Variants in ITSN1 observed in about 807,000 individuals in gnomAD.
ITSN1 encodes intersectin-1.
Under a neutral mutation model 239.8 loss-of-function variants are expected in ITSN1, and 58 were observed. That is an observed-to-expected ratio of 0.24 (90% CI 0.20 to 0.30). The LOEUF (loss-of-function observed/expected upper bound fraction) is 0.30, where lower values mean the gene tolerates loss of function less well. ITSN1 is among the 10% of genes least tolerant of loss of function. The pLI is 1.00. For missense variants in ITSN1, 1,558 were observed against 2,103.3 expected, an observed-to-expected ratio of 0.74 and a Z score of 5.07; for synonymous variants, 780 against 770.8, an observed-to-expected ratio of 1.01 and a Z score of -0.20.
chr21:33,798,464 C>G (rs1004380076), intron 18 of ITSN1, among the ~76,000 whole-genome samples: 1 of 151,958 alleles, frequency 6.6e-6, no homozygotes, highest in African/African-American at 2.4e-5. Context: ...AAATGAAAGA[C>G]CAATCTAATC....
chr21:33,849,006 C>T (rs941796557), intron 29 of ITSN1, among the ~76,000 whole-genome samples: 12 of 152,250 alleles, frequency 7.9e-5, no homozygotes, highest in South Asian at 6.2e-4. Context: ...TTTGGGAGGC[C>T]GAGGCGGGCG....
At chr21:33,835,760 G>A (rs1171758856) in intron 28 of ITSN1, among the ~76,000 whole-genome samples, 9 of 152,010 alleles carry the variant, frequency 5.9e-5, no homozygotes, top group Non-Finnish European at 1.3e-4. Context: ...GTGAAACCCC[G>A]TCTCTACTAA....
At chr21:33,669,795 TA>T (rs1384223511) in intron 1 of ITSN1, among the ~76,000 whole-genome samples, 1 of 151,610 alleles carries the variant, frequency 6.6e-6, no homozygotes, top group Non-Finnish European at 1.5e-5. Context: ...TTTTTTTTTT[TA>T]ATCTCAGAAA....
chr21:33,746,791 G>A (rs868578041), intron 5 of ITSN1, among the ~76,000 whole-genome samples: 4 of 152,032 alleles, frequency 2.6e-5, no homozygotes, highest in East Asian at 1.9e-4. Flanking sequence ...ACAGTGAGAC[G>A]AAATTGCGCC....
chr21:33,662,107 C>G (rs2089605244), intron 1 of ITSN1, among the ~76,000 whole-genome samples: 4 of 152,264 alleles, frequency 2.6e-5, no homozygotes, highest in African/African-American at 7.2e-5. Flanking sequence ...TTTTCCTCTT[C>G]TATTTCTCTT....
intron 31 of ITSN1, among the ~76,000 whole-genome samples, chr21:33,861,747 C>A (rs1980574102): frequency 1.3e-5 from 2 of 151,838 alleles, no homozygotes; most frequent in African/African-American, 4.8e-5. Context: ...GAGATTGAGA[C>A]CATCCTGGAT....
At chr21:33,746,082 C>T (rs993758915) in intron 5 of ITSN1, among the ~76,000 whole-genome samples, 3 of 152,164 alleles carry the variant, frequency 2.0e-5, no homozygotes, top group African/African-American at 7.2e-5. Flanking sequence ...CAGGTGCAAT[C>T]CGTAAAAAGC....
At position 33,765,898 on chromosome 21, in the gene ITSN1, A is replaced by T; in HGVS notation, c.812A>T (p.Asp271Val). 6.2e-7 allele frequency: 1 copy of T among 1,614,182 alleles called. No homozygotes were observed. Among genetic ancestry groups the T allele is most frequent in the Non-Finnish European group, 8.5e-7 (1 of 1,180,012 alleles). ...AGGAATCTTTCTGACATTGATCAAG[A>T]TGGAAAACTTACAGCAGAGGAATTT... ...SIWNLSDIDQ[D>V]GKLTAEEFIL... Residue 271 changes from aspartate (D) to valine (V), a missense_variant, in exon 10 of 40, where the codon GAT becomes GTT. By Grantham distance (152) the Asp-to-Val change is radical. This residue lies in a region of ITSN1 where 982 missense variants were observed against 1,209.9 expected (regional missense o/e 0.81). Coordinates refer to ENST00000381318, the MANE Select transcript of ITSN1 (RefSeq NM_003024.3).
intron 20 of ITSN1, among the ~76,000 whole-genome samples, chr21:33,804,720 T>C (rs1396871336): frequency 3.3e-5 from 5 of 152,222 alleles, no homozygotes; most frequent in Admixed American, 2.6e-4. Context: ...ACTGCTGTTT[T>C]GTTGAAGTTT....
chr21:33,663,278 A>C (rs1224220052), intron 1 of ITSN1, among the ~76,000 whole-genome samples: 1 of 152,238 alleles, frequency 6.6e-6, no homozygotes, highest in African/African-American at 2.4e-5. Flanking sequence ...TTTTATTATG[A>C]GATATATTAC....
intron 5 of ITSN1, among the ~76,000 whole-genome samples, chr21:33,739,959 C>T (rs1283437754): frequency 6.6e-6 from 1 of 152,068 alleles, no homozygotes; most frequent in Non-Finnish European, 1.5e-5. Flanking sequence ...TGATTTATAT[C>T]TGGTGGTGAT....
intron 5 of ITSN1, among the ~76,000 whole-genome samples, chr21:33,745,090 G>A (rs1036147732): frequency 6.6e-5 from 10 of 152,134 alleles, no homozygotes; most frequent in Non-Finnish European, 1.5e-4. Flanking sequence ...ATAAATATAG[G>A]CGTTAAGCAT....
In ITSN1 at chr21:33,789,180, G is replaced by T. The variant is rs921141372; in HGVS notation, c.1825-5161G>T. ...GTTAATGTATTTTAAAACTCCAAAG[G>T]CCTTCTATAAATTTTGATACCGTAT... On this transcript the variant is annotated intron_variant, in intron 16 of 39. Coordinates refer to ENST00000381318, the MANE Select transcript of ITSN1 (RefSeq NM_003024.3). Among the ~76,000 whole-genome samples the T allele has an allele frequency of 1.1e-3, 167 of 152,116 alleles. 2 individuals are homozygous for T. The highest frequency in any genetic ancestry group is 6.0e-4 in the Non-Finnish European group (41 of 67,994).
chr21:33,751,701 G>C (rs2063013750), intron 6 of ITSN1, 109 bp from the exon 7 acceptor site: 1 of 799,436 alleles, frequency 1.3e-6, no homozygotes, highest in Non-Finnish European at 2.1e-6. Context: ...GGCAAGAAGG[G>C]GGAATTATTT....
At chr21:33,776,594 T>C (rs2069647242) in intron 14 of ITSN1, among the ~76,000 whole-genome samples, 1 of 151,504 alleles carries the variant, frequency 6.6e-6, no homozygotes, top group South Asian at 2.1e-4. Context: ...GAAAGAGAAC[T>C]GACAAACTGC....
chr21:33,806,390 C>G (rs1312960493), intron 20 of ITSN1, among the ~76,000 whole-genome samples: 1 of 152,164 alleles, frequency 6.6e-6, no homozygotes, highest in African/African-American at 2.4e-5. Context: ...TTATCATGTT[C>G]TATGAGGGGA....
chr21:33,762,069 C>G, intron 9 of ITSN1, 83 bp downstream of exon 9: 4 of 940,760 alleles, frequency 4.3e-6, no homozygotes, highest in Non-Finnish European at 5.2e-6. Context: ...AGATTAATAC[C>G]GTTTTTTATG....
chr21:33,744,079 C>G (rs377317780), intron 5 of ITSN1, among the ~76,000 whole-genome samples: 1 of 152,192 alleles, frequency 6.6e-6, no homozygotes, highest in African/African-American at 2.4e-5. Context: ...AGAGCTAAGA[C>G]TGAAGGAAGG....
At chr21:33,845,305 C>A (rs556168916) in intron 29 of ITSN1, among the ~76,000 whole-genome samples, 1 of 152,116 alleles carries the variant, frequency 6.6e-6, no homozygotes, top group Non-Finnish European at 1.5e-5. Context: ...GCTTTCTCGG[C>A]CCAAGGGACA....
Sources: gnomAD v4.1 joint callset for allele counts (sites outside exome capture counted in the v4.1 genomes callset) on GRCh38, gnomAD v4.1.1 for gene constraint, gnomAD v4.1.1 regional missense constraint, MANE v1.5 for transcripts, NCBI Gene and HGNC (gene_info 2026-07-23, HGNC 2026-07-21) for gene names.